Variants in SORCS1 observed in about 807,000 individuals in gnomAD.
SORCS1 encodes VPS10 domain-containing receptor SorCS1.
A neutral mutation model predicts 146.1 loss-of-function variants in SORCS1; 60 were observed. That is an observed-to-expected ratio of 0.41 (90% CI 0.33 to 0.51). SORCS1 has a LOEUF of 0.51. SORCS1 is among the 20% of genes least tolerant of loss of function. The probability of loss-of-function intolerance (pLI) is 0.21; values close to 1 mark genes in which losing one functional copy is unlikely to be tolerated. For synonymous variants in SORCS1, 637 were observed against 584.0 expected (o/e 1.09, Z -1.31); for missense variants, 1,352 against 1,487.6 (o/e 0.91, Z 1.50).
At chr10:106,968,175 A>C (rs984004440) in intron 1 of SORCS1, among the ~76,000 whole-genome samples, 1 of 151,968 alleles carries the variant, frequency 6.6e-6, no homozygotes, top group African/African-American at 2.4e-5. Flanking sequence ...GCGCCACTGC[A>C]CTCCAGCCTG....
At chr10:106,759,620 T>C (rs534974156) in intron 5 of SORCS1, among the ~76,000 whole-genome samples, 1 of 152,336 alleles carries the variant, frequency 6.6e-6, no homozygotes, top group South Asian at 2.1e-4. Flanking sequence ...CTGATATTTT[T>C]CTTGTTTTCA....
In SORCS1 at chr10:106,914,771, G is replaced by T. The variant is rs1952332386; in HGVS notation, c.626+41742C>A. Among the ~76,000 whole-genome samples the T allele has an allele frequency of 2.0e-5, 3 of 152,146 alleles. No homozygotes were observed. The South Asian group carries it at 6.2e-4, about 32-fold the overall frequency. On this transcript the variant is annotated intron_variant, in intron 2 of 25. Transcript: ENST00000263054. ...GGACTTATACGAATGACTAGCGTGG[G>T]ACCTTAATTCTCATCTCTCCAAATT... is the stretch of plus-strand genomic sequence containing the variant.
At chr10:107,140,049 G>A (rs1967681127) in intron 1 of SORCS1, among the ~76,000 whole-genome samples, 1 of 152,016 alleles carries the variant, frequency 6.6e-6, no homozygotes, top group Admixed American at 6.6e-5. Context: ...CCTTCATCAG[G>A]GCAAAGCTAA....
At position 107,098,291 on chromosome 10, in the gene SORCS1, C is replaced by T. The variant is rs140462354; in HGVS notation, c.558+65678G>A. On this transcript the variant is annotated intron_variant, in intron 1 of 25. Transcript: ENST00000263054. Reference sequence around the variant, plus strand: ...AATCCAACTTAGCTCCTGAGTCTCACACCTGTTTCCCAAACATCTAGCACA... The same window carrying T: ...AATCCAACTTAGCTCCTGAGTCTCATACCTGTTTCCCAAACATCTAGCACA... 1.7e-3 allele frequency among the ~76,000 whole-genome samples: 261 copies of T among 152,312 alleles called. 1 individual carries two copies. The highest frequency in any genetic ancestry group is 5.7e-3 in the African/African-American group (238 of 41,558).
chr10:107,071,390 T>C (rs1028358492), intron 1 of SORCS1, among the ~76,000 whole-genome samples: 6 of 152,174 alleles, frequency 3.9e-5, no homozygotes, highest in Non-Finnish European at 7.3e-5. Flanking sequence ...TTGAAAAGTG[T>C]CTGTGTACTC....
chr10:106,649,126 G>A (rs193297429), intron 18 of SORCS1, among the ~76,000 whole-genome samples: 15 of 152,246 alleles, frequency 9.9e-5, no homozygotes, highest in Admixed American at 5.2e-4. Context: ...GGTGTGATCC[G>A]ATTCTTCCAG....
chr10:107,172,276 T>A, the SORCS1 span, among the ~76,000 whole-genome samples: 1,225 of 152,300 alleles, frequency 8.0e-3, 7 homozygotes, highest in Non-Finnish European at 0.013. Context: ...AACCCCAAAT[T>A]GATGGCCTCC....
chr10:106,693,460 G>GT (rs1853451866), intron 9 of SORCS1, among the ~76,000 whole-genome samples: 1 of 152,060 alleles, frequency 6.6e-6, no homozygotes, highest in South Asian at 2.1e-4. Context: ...GAGAAATATC[G>GT]TATCAGAATG....
intron 5 of SORCS1, among the ~76,000 whole-genome samples, chr10:106,739,132 G>A (rs1347678783): frequency 6.6e-6 from 1 of 152,168 alleles, no homozygotes; most frequent in East Asian, 1.9e-4. Context: ...AAAACTGAGA[G>A]AAGATGGAAA....
At chr10:106,910,330 T>TAGAG (rs67582833) in intron 2 of SORCS1, among the ~76,000 whole-genome samples, 69,668 of 150,026 alleles carry the variant, frequency 0.46, 16,662 homozygotes, top group African/African-American at 0.59. Context: ...AGTATATATA[T>TAGAG]ATAGAGAGTG....
At chr10:106,686,412 G>A (rs1450585402) in intron 10 of SORCS1, among the ~76,000 whole-genome samples, 1 of 152,164 alleles carries the variant, frequency 6.6e-6, no homozygotes, top group Non-Finnish European at 1.5e-5. Flanking sequence ...TAGGTGACAT[G>A]GTTAATTATC....
chr10:106,618,208 G>A lies in SORCS1; in HGVS notation c.2861C>T (p.Thr954Ile). The stretch of plus-strand genomic sequence containing the variant: ...GGCATTCCCAGCTGAGACCTGCACT[G>A]TGATGGTATTCATTCCTTCTGAAGT... ...RFTSEGMNTI[T>I]VQVSAGNAIL... Residue 954 changes from threonine to isoleucine, a missense_variant, in exon 21 of 26, where the codon ACA becomes ATA. By Grantham distance (89) the Thr-to-Ile change is moderately conservative. Transcript: ENST00000263054. 1 of 1,614,108 alleles carries A rather than the reference G, an allele frequency of 6.2e-7. No individual in the cohort carries two copies.
intron 21 of SORCS1, among the ~76,000 whole-genome samples, chr10:106,612,410 C>G (rs1222296338): frequency 6.9e-6 from 1 of 145,902 alleles, no homozygotes; most frequent in East Asian, 2.1e-4. Flanking sequence ...CCCACCCCCG[C>G]AGCGTGACCG....
intron 3 of SORCS1, among the ~76,000 whole-genome samples, chr10:106,825,396 T>C (rs913418678): frequency 6.6e-6 from 1 of 150,718 alleles, no homozygotes. Flanking sequence ...CTCAGCCTCC[T>C]GAGTAGCTGG....
chr10:106,882,206 T>C (rs7082985), intron 2 of SORCS1, among the ~76,000 whole-genome samples: 79,726 of 151,632 alleles, frequency 0.53, 22,322 homozygotes, highest in African/African-American at 0.74. Flanking sequence ...CCCTAGGCCA[T>C]ATTGGACGAA....
chr10:106,907,992 T>G (rs989867847), intron 2 of SORCS1, among the ~76,000 whole-genome samples: 3 of 152,196 alleles, frequency 2.0e-5, no homozygotes, highest in African/African-American at 7.2e-5. Context: ...ACCATTATCC[T>G]TTCTCTGACA....
intron 3 of SORCS1, among the ~76,000 whole-genome samples, chr10:106,814,708 A>G (rs982498384): frequency 1.3e-5 from 2 of 151,916 alleles, no homozygotes; most frequent in African/African-American, 4.8e-5. Flanking sequence ...AGGTCAGGAG[A>G]TCGAGACCAT....
intron 1 of SORCS1, among the ~76,000 whole-genome samples, chr10:107,102,147 G>A (rs1378481413): frequency 6.6e-6 from 1 of 152,136 alleles, no homozygotes; most frequent in Non-Finnish European, 1.5e-5. Context: ...ACATCAATAA[G>A]TGAAGAATGA....
At chr10:107,116,145 C>T (rs527720002) in intron 1 of SORCS1, among the ~76,000 whole-genome samples, 10 of 152,018 alleles carry the variant, frequency 6.6e-5, no homozygotes, top group South Asian at 2.1e-4. Context: ...AAAAATGAAA[C>T]GCTTGTCCAC....
Sources: allele counts gnomAD v4.1 joint callset (sites outside exome capture counted in the v4.1 genomes callset), GRCh38; gene constraint gnomAD v4.1.1; transcripts MANE v1.5; gene names NCBI Gene and HGNC (gene_info 2026-07-23, HGNC 2026-07-21).